JPH3: variants seen among roughly 807,000 people sequenced by gnomAD.
JPH3 encodes the protein junctophilin-3.
Under a neutral mutation model 59.6 loss-of-function variants are expected in JPH3, and 11 were observed. The observed-to-expected ratio is 0.18, with a 90% confidence interval of 0.12 to 0.31. JPH3 has a LOEUF of 0.31. Among genes scored for constraint, JPH3 ranks in the 10% least tolerant of loss-of-function variants. The pLI is 1.00. For synonymous variants in JPH3, 673 were observed against 483.6 expected, an observed-to-expected ratio of 1.39 and a Z score of -5.14; for missense variants, 1,202 against 1,105.7, an observed-to-expected ratio of 1.09 and a Z score of -1.24.
At chr16:87,683,584 G>A (rs111594030) in intron 2 of JPH3, among the ~76,000 whole-genome samples, 2 of 151,782 alleles carry the variant, frequency 1.3e-5, no homozygotes, top group African/African-American at 4.8e-5. Flanking sequence ...GATTACAGGC[G>A]TGAGCCACTG....
intron 1 of JPH3, among the ~76,000 whole-genome samples, chr16:87,629,240 G>C (rs374665632): frequency 3.3e-5 from 5 of 152,208 alleles, no homozygotes; most frequent in Non-Finnish European, 7.3e-5. Context: ...GGCAGCTGGG[G>C]TTCCTGACTG....
intron 2 of JPH3, among the ~76,000 whole-genome samples, chr16:87,670,772 G>A (rs1214896292): frequency 1.3e-5 from 2 of 152,328 alleles, no homozygotes; most frequent in East Asian, 3.9e-4. Flanking sequence ...CCTGTGCCAG[G>A]CCCTGTCGTT....
intron 1 of JPH3, 90 bp from the exon 2 acceptor site, chr16:87,644,168 A>C (rs2032051414): frequency 7.5e-7 from 1 of 1,336,428 alleles, no homozygotes; most frequent in East Asian, 2.3e-5. Context: ...AAGCTCAGAC[A>C]GGACTGTGGC....
chr16:87,677,185 T>TATACACACACACACACACACACAC (rs1491266129), intron 2 of JPH3, among the ~76,000 whole-genome samples: 56 of 95,164 alleles, frequency 5.9e-4, no homozygotes, highest in East Asian at 1.9e-3. Flanking sequence ...TATATATATA[T>TATACACACACACACACACACACAC]ACACACACAC....
rs187214073 is a variant in JPH3, at chr16:87,673,352, T to C, written c.1161-10790T>C. 8.4e-3 allele frequency among the ~76,000 whole-genome samples: 1,278 copies of C among 151,540 alleles called. 11 individuals carry two copies. The highest frequency in any genetic ancestry group is 0.024 in the Middle Eastern group (7 of 290). ...AACTGATCTACTGAATTACAGAAGA[T>C]GCGAGGAAACAGACCCCCTCGTGCT... On this transcript the variant is annotated intron_variant, in intron 2 of 4. Transcript: ENST00000284262.
intron 2 of JPH3, among the ~76,000 whole-genome samples, chr16:87,679,612 A>T (rs970687630): frequency 3.9e-5 from 6 of 152,198 alleles, no homozygotes; most frequent in African/African-American, 1.4e-4. Context: ...GGACGCATTC[A>T]TCCAGTGGGT....
chr16:87,652,265 G>A (rs759902221), intron 2 of JPH3, among the ~76,000 whole-genome samples: 19 of 152,132 alleles, frequency 1.2e-4, no homozygotes, highest in Non-Finnish European at 2.1e-4. Flanking sequence ...GTGAGCCACC[G>A]CGCCCAGCCT....
At chr16:87,666,515 C>A (rs1028324611) in intron 2 of JPH3, among the ~76,000 whole-genome samples, 4 of 152,070 alleles carry the variant, frequency 2.6e-5, no homozygotes, top group African/African-American at 4.8e-5. Flanking sequence ...CCTTAGCCTC[C>A]TAAGCAGCTG....
At chr16:87,663,954 TGTG>T (rs2032781605) in intron 2 of JPH3, among the ~76,000 whole-genome samples, 2 of 152,292 alleles carry the variant, frequency 1.3e-5, no homozygotes, top group South Asian at 4.1e-4. Context: ...GACGTCGAGT[TGTG>T]GTGGAATCGA....
In JPH3 at chr16:87,603,271, C is replaced by G. The variant is rs746765345; in HGVS notation, c.125C>G (p.Ser42Trp). Residue 42 changes from serine (S) to tryptophan (W), a missense_variant, in exon 1 of 5, where the codon TCG becomes TGG. Transcript: ENST00000284262. ...GPKGQGEYTG[S>W]WSHGFEVLGV... ...AAGGGCCAAGGCGAATACACCGGCT[C>G]GTGGAGCCACGGCTTCGAGGTGCTG... The G allele has an allele frequency of 2.5e-6, 4 of 1,613,592 alleles. No individual in the cohort carries two copies. The highest frequency in any genetic ancestry group is 3.4e-6 in the Non-Finnish European group (4 of 1,179,930).
In JPH3 at chr16:87,604,674, T is replaced by C. The variant is rs2150818762; in HGVS notation, c.382+1146T>C. ...GCCCGCTCGCTGCCTCCGAGTCTCA[T>C]GAAGAAAGCTCGGAACACCTGCTCC... On this transcript the variant is annotated intron_variant, in intron 1 of 4. Coordinates refer to ENST00000284262, the MANE Select transcript of JPH3 (RefSeq NM_020655.4). 3 of 1,154,976 alleles carry C rather than the reference T, an allele frequency of 2.6e-6. 1 individual carries two copies. The South Asian group carries it at 5.6e-5, about 22-fold the overall frequency. The allele number at this position is 1,154,976 out of a possible 1,614,324, so 71.5% of individuals were successfully genotyped here.
chr16:87,691,469 G>T (rs1294536289), intron 4 of JPH3, among the ~76,000 whole-genome samples: 1 of 152,178 alleles, frequency 6.6e-6, no homozygotes, highest in Non-Finnish European at 1.5e-5. Flanking sequence ...GCAGGGGGGT[G>T]TCCGCAGGGG....
At chr16:87,657,548 T>G (rs755754563) in intron 2 of JPH3, among the ~76,000 whole-genome samples, 2 of 152,208 alleles carry the variant, frequency 1.3e-5, no homozygotes, top group South Asian at 2.1e-4. Flanking sequence ...GTGGCAAGTT[T>G]TATGTTATAT....
At chr16:87,649,840 G>T (rs1039443598) in intron 2 of JPH3, among the ~76,000 whole-genome samples, 23 of 152,226 alleles carry the variant, frequency 1.5e-4, no homozygotes, top group Admixed American at 1.2e-3. Flanking sequence ...AGGGAGAGAC[G>T]GGGTGGCCCA....
At chr16:87,610,568 G>T (rs754243224) in intron 1 of JPH3, among the ~76,000 whole-genome samples, 1 of 152,116 alleles carries the variant, frequency 6.6e-6, no homozygotes, top group Non-Finnish European at 1.5e-5. Context: ...TCATTATTTC[G>T]TATGCCTGTT....
At chr16:87,669,218 G>A (rs1427204518) in intron 2 of JPH3, among the ~76,000 whole-genome samples, 1 of 152,292 alleles carries the variant, frequency 6.6e-6, no homozygotes, top group East Asian at 1.9e-4. Flanking sequence ...GGTCAGCCCC[G>A]AGTCCTGCAG....
chr16:87,639,213 C>G (rs1480939247), intron 1 of JPH3, among the ~76,000 whole-genome samples: 1 of 152,188 alleles, frequency 6.6e-6, no homozygotes, highest in African/African-American at 2.4e-5. Context: ...AGCCGCCCTC[C>G]CCTCGTTGCA....
In JPH3 at chr16:87,602,723, G is replaced by T. The variant is rs1375539297; in HGVS notation, c.-424G>T. 5.2e-5 allele frequency among the ~76,000 whole-genome samples: 7 copies of T among 134,872 alleles called. No individual in the cohort carries two copies. The highest frequency in any genetic ancestry group is 7.1e-5 in the Admixed American group (1 of 14,032). The allele number at this position is 134,872 out of a possible 152,430, so 88.5% of individuals were successfully genotyped here. A position where few individuals can be genotyped will look rare whatever the true frequency, so the allele number is the denominator to read the frequency against. Reference sequence around the variant, plus strand: ...CGCCCGCAGCGCGGCAGCCGCAGGTGGGGGGCCGCGGCCCGGGCCTGAGCT... The same window carrying T: ...CGCCCGCAGCGCGGCAGCCGCAGGTTGGGGGCCGCGGCCCGGGCCTGAGCT... On this transcript the variant is annotated 5_prime_UTR_variant, in exon 1 of 5. Coordinates refer to ENST00000284262, the MANE Select transcript of JPH3 (RefSeq NM_020655.4).
At position 87,697,080 on chromosome 16, in the gene JPH3, C is replaced by T. The variant is rs2033903473; in HGVS notation, c.*420C>T. 1.1e-5 allele frequency: 3 copies of T among 269,834 alleles called. No homozygotes were observed. Among genetic ancestry groups the T allele is most frequent in the Admixed American group, 9.5e-5 (2 of 20,988 alleles). The allele number at this position is 269,834 out of a possible 1,614,324, so 16.7% of individuals were successfully genotyped here. A position where few individuals can be genotyped will look rare whatever the true frequency, so the allele number is the denominator to read the frequency against. On this transcript the variant is annotated 3_prime_UTR_variant, in exon 5 of 5. Coordinates refer to ENST00000284262, the MANE Select transcript of JPH3 (RefSeq NM_020655.4). Reference sequence around the variant, plus strand: ...GAGTGGCAGGGCTGACTCCCGTCGACACGAGCTTAGAAAGTGGATTCACTG... The same window carrying T: ...GAGTGGCAGGGCTGACTCCCGTCGATACGAGCTTAGAAAGTGGATTCACTG...
Sources: gnomAD v4.1 joint callset for allele counts (sites outside exome capture counted in the v4.1 genomes callset) on GRCh38, gnomAD v4.1.1 for gene constraint, MANE v1.5 for transcripts, NCBI Gene and HGNC (gene_info 2026-07-23, HGNC 2026-07-21) for gene names.